The following XXYLT1 variants were observed in gnomAD, a reference collection of about 807,000 sequenced individuals.
XXYLT1 encodes UDP-xylose:alpha-xyloside alpha-1,3-xylosyltransferase.
In XXYLT1, 20 loss-of-function variants were observed where a neutral mutation model predicts 28.9. The ratio of observed to expected loss-of-function variants is 0.69; its 90% CI spans 0.49 to 1.00. XXYLT1 has a LOEUF of 1.00. Ranked by LOEUF, XXYLT1 falls within the 50% of genes least tolerant of loss-of-function variation. XXYLT1 has a pLI of 0.00. For missense variants in XXYLT1, 542 were observed against 560.1 expected, an observed-to-expected ratio of 0.97 and a Z score of 0.33; for synonymous variants, 257 against 253.8, an observed-to-expected ratio of 1.01 and a Z score of -0.12.
rs1242523924 is a variant in XXYLT1 at position 195,150,809 on chromosome 3, CACAT to C, written c.785+5636_785+5639del. Among the ~76,000 whole-genome samples, 1 of 151,704 alleles carries C rather than the reference CACAT, an allele frequency of 6.6e-6. No individual in the cohort carries two copies. The highest frequency in any genetic ancestry group is 1.5e-5 in the Non-Finnish European group (1 of 67,930). On this transcript the variant is annotated intron_variant, in intron 3 of 3. Transcript: ENST00000310380. This position sits in a 1 kb window ranked among gnomAD's most constrained non-coding sequence, Gnocchi z 4.7. ...ACACATATGCACACTCTCACACACT[CACAT>C]ACACACACACTCACACATACGCACA... is the stretch of plus-strand genomic sequence containing the variant.
intron 2 of XXYLT1, among the ~76,000 whole-genome samples, chr3:195,178,713 G>A (rs1721796043): frequency 6.6e-6 from 1 of 152,212 alleles, no homozygotes; most frequent in Non-Finnish European, 1.5e-5. Context: ...GGGGAGCAGA[G>A]ACCAACTGCT....
Position 195,210,721 on chromosome 3 carries a change from G to A in XXYLT1, c.652+15988C>T, listed in dbSNP as rs1266476120. Among the ~76,000 whole-genome samples, 2 of 152,180 alleles carry A rather than the reference G, an allele frequency of 1.3e-5. No individual in the cohort carries two copies. Among genetic ancestry groups the A allele is most frequent in the African/African-American group, 4.8e-5 (2 of 41,446 alleles). The stretch of plus-strand genomic sequence containing the variant: ...TGTCCCTCTTCAGAATAAGAGAACC[G>A]AAATGCCTCAAATTTGCTCCATAAG... On this transcript the variant is annotated intron_variant, in intron 2 of 3. Transcript: ENST00000310380. This position sits in a 1 kb window ranked among gnomAD's most constrained non-coding sequence, Gnocchi z 4.8.
Position 195,171,192 on chromosome 3 carries a change from C to T in XXYLT1, c.653-14611G>A, listed in dbSNP as rs548844813. 2.7e-4 allele frequency among the ~76,000 whole-genome samples: 41 copies of T among 152,340 alleles called. No homozygotes were observed. In the South Asian group the frequency reaches 6.0e-3, roughly 22 times the overall value. On this transcript the variant is annotated intron_variant, in intron 2 of 3. Transcript: ENST00000310380. ...GAGCCTGGACCGCACGCTTCGGGAA[C>T]TGGGCATGGAAAGAGCTGGGCACCT...
chr3:195,201,823 C>T (rs1722860511), intron 2 of XXYLT1, among the ~76,000 whole-genome samples: 1 of 152,162 alleles, frequency 6.6e-6, no homozygotes, highest in Non-Finnish European at 1.5e-5. Context: ...AAGTTTGGGA[C>T]TTAGCTGCTC....
rs1340040132 is a variant in XXYLT1 at position 195,176,005 on chromosome 3, C to CT, written c.653-19425dup. Among the ~76,000 whole-genome samples the CT allele has an allele frequency of 2.0e-5, 3 of 152,190 alleles. No homozygotes were observed. Among genetic ancestry groups the CT allele is most frequent in the African/African-American group, 7.2e-5 (3 of 41,442 alleles). ...GAGGTCATCAGTGTATACGTAGCAGCTTAAGTCAAGTAGACACAATCTTTT... is the reference window on the plus strand; with the variant it reads ...GAGGTCATCAGTGTATACGTAGCAGCTTTAAGTCAAGTAGACACAATCTTTT... On this transcript the variant is annotated intron_variant, in intron 2 of 3. Transcript: ENST00000310380. The surrounding 1 kb of genome is among the most constrained non-coding windows in gnomAD (Gnocchi z 4.9).
rs73890648 is a variant in XXYLT1, at chr3:195,069,856, C to T, written c.1041G>A (p.Val347=). 2,734 of 1,614,146 alleles carry T rather than the reference C, an allele frequency of 1.7e-3. 36 individuals are homozygous for T. In the African/African-American group the frequency reaches 0.033, roughly 19 times the overall value. ...GCTGCCGGTTCCAGGTACAGTCCAG[C>T]ACATGGAAGAGCTTGGGGTGCTCCA... ...IGMEHPKLFH[V]LDCTWNRQLC... Residue 347 remains valine (V), a synonymous_variant, in exon 4 of 4, where the codon GTG becomes GTA. Coordinates refer to ENST00000310380, the MANE Select transcript of XXYLT1 (RefSeq NM_152531.5).
chr3:195,216,581 C>T (rs1310129170), intron 2 of XXYLT1, among the ~76,000 whole-genome samples: 2 of 142,446 alleles, frequency 1.4e-5, no homozygotes, highest in African/African-American at 2.6e-5. Context: ...ATAAATTCCT[C>T]GACACATACA....
At chr3:195,103,342 A>ACCTGCGTCCATCACCCCACACCAGCGG (rs1560095763) in intron 3 of XXYLT1, among the ~76,000 whole-genome samples, 2 of 48,130 alleles carry the variant, frequency 4.2e-5, no homozygotes, top group Non-Finnish European at 9.9e-5. Flanking sequence ...CACGCCAGCG[A>ACCTGCGTCCATCACCCCACACCAGCGG]CCTGCGTCCA....
chr3:195,170,618 T>C (rs536460926), intron 2 of XXYLT1, among the ~76,000 whole-genome samples: 1 of 152,298 alleles, frequency 6.6e-6, no homozygotes, highest in East Asian at 1.9e-4. Context: ...CATTTCCCCA[T>C]CTCTTCTTGC....
chr3:195,139,864 G>A (rs1476798836), intron 3 of XXYLT1, among the ~76,000 whole-genome samples: 1 of 152,196 alleles, frequency 6.6e-6, no homozygotes, highest in Non-Finnish European at 1.5e-5. Context: ...CAGTCCCTAT[G>A]GACTTCTCCC....
intron 2 of XXYLT1, among the ~76,000 whole-genome samples, chr3:195,204,316 C>A (rs1386168875): frequency 1.3e-5 from 2 of 151,042 alleles, no homozygotes; most frequent in African/African-American, 4.9e-5. Flanking sequence ...GCACTCCAGC[C>A]TGGCGACAGA....
intron 3 of XXYLT1, among the ~76,000 whole-genome samples, chr3:195,110,235 G>GGGGTGTAT (rs1553803697): frequency 9.6e-5 from 1 of 10,454 alleles, no homozygotes; most frequent in African/African-American, 2.1e-4. Flanking sequence ...ATAAGTGTGT[G>GGGGTGTAT]GTGTGCGTGT....
intron 1 of XXYLT1, among the ~76,000 whole-genome samples, chr3:195,265,261 T>G (rs1024061904): frequency 2.6e-5 from 4 of 151,564 alleles, no homozygotes; most frequent in African/African-American, 9.7e-5. Flanking sequence ...TCCCAGCTAC[T>G]TGGGAGGCTG....
chr3:195,269,128 C>CA (rs1725937383), intron 1 of XXYLT1, among the ~76,000 whole-genome samples: 1 of 152,186 alleles, frequency 6.6e-6, no homozygotes, highest in South Asian at 2.1e-4. Context: ...GAGCTGGGGA[C>CA]AAGGGGACAG....
rs755113534 is a variant in XXYLT1 at position 195,158,934 on chromosome 3, T to C, written c.653-2353A>G. Among the ~76,000 whole-genome samples, 42 of 152,292 alleles carry C rather than the reference T, an allele frequency of 2.8e-4. No individual in the cohort carries two copies. The Middle Eastern group carries it at 0.024, about 86-fold the overall frequency. ...GGTAGCTGTCTCTCTGTGGGAAATA[T>C]GTGGGGGCAAGAGGGTTACACAGAA... On this transcript the variant is annotated intron_variant, in intron 2 of 3. Coordinates refer to ENST00000310380, the MANE Select transcript of XXYLT1 (RefSeq NM_152531.5).
At chr3:195,208,580 A>C (rs1032581689) in intron 2 of XXYLT1, among the ~76,000 whole-genome samples, 1 of 152,256 alleles carries the variant, frequency 6.6e-6, no homozygotes, top group Non-Finnish European at 1.5e-5. Flanking sequence ...AAGGCCATGC[A>C]AGCTTCAGTT....
intron 3 of XXYLT1, among the ~76,000 whole-genome samples, chr3:195,137,486 C>T (rs1000270051): frequency 2.0e-5 from 3 of 152,174 alleles, no homozygotes; most frequent in Non-Finnish European, 4.4e-5. Flanking sequence ...GTGCACCTGC[C>T]TGTAACCTCA....
chr3:195,074,788 C>G (rs6809263), intron 3 of XXYLT1, among the ~76,000 whole-genome samples: 3,636 of 152,334 alleles, frequency 0.024, 131 homozygotes, highest in African/African-American at 0.083. Flanking sequence ...TGGTATCAAA[C>G]TGGAGAAGAC....
At chr3:195,261,968 AAC>A (rs1725712203) in intron 1 of XXYLT1, among the ~76,000 whole-genome samples, 1 of 152,240 alleles carries the variant, frequency 6.6e-6, no homozygotes, top group Non-Finnish European at 1.5e-5. Context: ...CAAAAGGTTA[AAC>A]AGAGTTAACC....
Sources: gnomAD v4.1 joint callset for allele counts (sites outside exome capture counted in the v4.1 genomes callset) on GRCh38, gnomAD v4.1.1 for gene constraint, Gnocchi (gnomAD v3.1) non-coding constraint, MANE v1.5 for transcripts, NCBI Gene and HGNC (gene_info 2026-07-23, HGNC 2026-07-21) for gene names.